The following CADPS2 variants were observed in gnomAD, a reference collection of about 807,000 sequenced individuals.
CADPS2 encodes calcium dependent secretion activator 2.
A neutral mutation model predicts 172.5 loss-of-function variants in CADPS2; 93 were observed. The ratio of observed to expected loss-of-function variants is 0.54; its 90% confidence interval spans 0.46 to 0.64. The LOEUF (loss-of-function observed/expected upper bound fraction) is 0.64. Among genes scored for constraint, CADPS2 ranks in the 30% least tolerant of loss-of-function variants. The pLI is 0.00. For synonymous variants in CADPS2, 546 were observed against 555.2 expected (o/e 0.98, Z 0.23); for missense variants, 1,420 against 1,565.9 (o/e 0.91, Z 1.57).
chr7:122,794,612 G>C (rs1007256340), intron 1 of CADPS2, among the ~76,000 whole-genome samples: 5 of 151,622 alleles, frequency 3.3e-5, no homozygotes, highest in Admixed American at 3.3e-4. Flanking sequence ...TGGATCAAAG[G>C]GACCTGATAG....
intron 2 of CADPS2, among the ~76,000 whole-genome samples, chr7:122,695,662 A>C (rs2084976960): frequency 6.6e-6 from 1 of 152,168 alleles, no homozygotes; most frequent in African/African-American, 2.4e-5. Context: ...CCAAATATAG[A>C]TTCTAACCAC....
At chr7:122,813,555 TGA>T (rs1400883424) in intron 1 of CADPS2, among the ~76,000 whole-genome samples, 2 of 152,124 alleles carry the variant, frequency 1.3e-5, no homozygotes, top group African/African-American at 4.8e-5. Flanking sequence ...TTTTTTATGC[TGA>T]GTCTTTCAAA....
chr7:122,389,922 C>T (rs1376066646), intron 22 of CADPS2, among the ~76,000 whole-genome samples: 2 of 151,970 alleles, frequency 1.3e-5, no homozygotes, highest in African/African-American at 4.8e-5. Flanking sequence ...TTGTTTAAAG[C>T]ACCACATTGT....
intron 28 of CADPS2, among the ~76,000 whole-genome samples, chr7:122,338,587 A>AATT (rs1208500262): frequency 2.5e-4 from 38 of 152,322 alleles, no homozygotes; most frequent in Non-Finnish European, 1.5e-5. Context: ...TACAACAGTT[A>AATT]ATTATTTATA....
intron 1 of CADPS2, among the ~76,000 whole-genome samples, chr7:122,793,865 C>A (rs973096684): frequency 7.2e-5 from 11 of 152,038 alleles, no homozygotes; most frequent in African/African-American, 2.7e-4. Flanking sequence ...TGAAAAAGAT[C>A]TTATTTCCTC....
At chr7:122,698,910 T>G (rs1395877648) in intron 2 of CADPS2, 1 of 1,578,488 alleles carries the variant, frequency 6.3e-7, no homozygotes, top group South Asian at 1.2e-5. Context: ...CAACCTTGAG[T>G]AGATGCATCT....
chr7:122,651,667 G>C (rs1191640248), intron 3 of CADPS2, among the ~76,000 whole-genome samples: 1 of 152,116 alleles, frequency 6.6e-6, no homozygotes, highest in Non-Finnish European at 1.5e-5. Context: ...CAAGATCTCA[G>C]TTAACTTTGC....
At chr7:122,744,824 C>T (rs1023731176) in intron 1 of CADPS2, among the ~76,000 whole-genome samples, 8 of 152,162 alleles carry the variant, frequency 5.3e-5, no homozygotes, top group African/African-American at 1.9e-4. Context: ...CGATTCAAAC[C>T]TCAGCAAAAT....
intron 2 of CADPS2, among the ~76,000 whole-genome samples, chr7:122,690,029 G>A (rs1025190552): frequency 6.6e-6 from 1 of 152,132 alleles, no homozygotes; most frequent in African/African-American, 2.4e-5. Context: ...GGATGCACAC[G>A]CCAGGGCAAG....
At chr7:122,877,784 G>A (rs905700745) in intron 1 of CADPS2, among the ~76,000 whole-genome samples, 1 of 152,064 alleles carries the variant, frequency 6.6e-6, no homozygotes, top group Non-Finnish European at 1.5e-5. Context: ...AACTAGAAAC[G>A]ATAGCGTCTA....
At chr7:122,881,275 A>C (rs1020124521) in intron 1 of CADPS2, among the ~76,000 whole-genome samples, 1 of 152,208 alleles carries the variant, frequency 6.6e-6, no homozygotes, top group Non-Finnish European at 1.5e-5. Context: ...ATTATATATC[A>C]AAATCGCAGC....
intron 1 of CADPS2, among the ~76,000 whole-genome samples, chr7:122,774,768 T>C (rs1210306476): frequency 3.3e-5 from 5 of 152,198 alleles, no homozygotes; most frequent in Non-Finnish European, 7.4e-5. Flanking sequence ...ATTTCTACTC[T>C]TGAGAATTTA....
chr7:122,639,184 G>A (rs1429284528), intron 3 of CADPS2, among the ~76,000 whole-genome samples: 1 of 152,190 alleles, frequency 6.6e-6, no homozygotes, highest in Non-Finnish European at 1.5e-5. Context: ...TAGAATTGAA[G>A]GGGATAAATT....
intron 1 of CADPS2, among the ~76,000 whole-genome samples, chr7:122,774,469 T>C (rs564306534): frequency 6.6e-6 from 1 of 152,174 alleles, no homozygotes; most frequent in South Asian, 2.1e-4. Flanking sequence ...AAGAAAAAGT[T>C]AGTTAAGACA....
chr7:122,831,611 A>G (rs1214151945), intron 1 of CADPS2, among the ~76,000 whole-genome samples: 2 of 152,226 alleles, frequency 1.3e-5, no homozygotes, highest in African/African-American at 4.8e-5. Flanking sequence ...TAGAATTTCA[A>G]CCGCCTGAAC....
At chr7:122,511,689 T>C (rs934223078) in intron 9 of CADPS2, among the ~76,000 whole-genome samples, 2 of 152,136 alleles carry the variant, frequency 1.3e-5, no homozygotes, top group South Asian at 2.1e-4. Context: ...TTTACATAAA[T>C]GCATAAAATA....
chr7:122,624,323 C>G (rs768909784), intron 4 of CADPS2, among the ~76,000 whole-genome samples: 9 of 152,186 alleles, frequency 5.9e-5, no homozygotes, highest in Admixed American at 1.3e-4. Flanking sequence ...GCATAGGTCC[C>G]TAGTGGTCTT....
intron 7 of CADPS2, among the ~76,000 whole-genome samples, chr7:122,566,829 A>C (rs2066535487): frequency 6.6e-6 from 1 of 152,200 alleles, no homozygotes; most frequent in South Asian, 2.1e-4. Flanking sequence ...AAATGAAACC[A>C]AATTAAGCAC....
At chr7:122,343,930 A>C (rs1372495028) in intron 28 of CADPS2, among the ~76,000 whole-genome samples, 1 of 152,212 alleles carries the variant, frequency 6.6e-6, no homozygotes, top group Non-Finnish European at 1.5e-5. Flanking sequence ...TAATTTTTCT[A>C]CCCCTGCAGG....
Sources: gnomAD v4.1 joint callset for allele counts (sites outside exome capture counted in the v4.1 genomes callset) on GRCh38, gnomAD v4.1.1 for gene constraint, MANE v1.5 for transcripts, NCBI Gene and HGNC (gene_info 2026-07-23, HGNC 2026-07-21) for gene names.